NTM: variants seen among roughly 807,000 people sequenced by gnomAD.
NTM encodes the protein neurotrimin.
A neutral mutation model predicts 42.1 loss-of-function variants in NTM; 13 were observed. The observed-to-expected ratio is 0.31, with a 90% CI of 0.20 to 0.49. NTM has a LOEUF of 0.49. Ranked by LOEUF, NTM falls within the 20% of genes least tolerant of loss-of-function variation. The pLI is 0.99. For missense variants in NTM, 373 were observed against 452.8 expected, an observed-to-expected ratio of 0.82 and a Z score of 1.60; for synonymous variants, 187 against 179.2, an observed-to-expected ratio of 1.04 and a Z score of -0.35.
chr11:131,525,858 T>A (rs1340916382), intron 1 of NTM, among the ~76,000 whole-genome samples: 1 of 152,052 alleles, frequency 6.6e-6, no homozygotes, highest in Non-Finnish European at 1.5e-5. Context: ...TGTGTGTGTG[T>A]GTGCATGTAT....
At chr11:132,169,456 C>T (rs1473361569) in intron 3 of NTM, among the ~76,000 whole-genome samples, 1 of 147,212 alleles carries the variant, frequency 6.8e-6, no homozygotes, top group Admixed American at 6.9e-5. Context: ...CTGCCTCAGC[C>T]TCCTGTGTAG....
intron 1 of NTM, among the ~76,000 whole-genome samples, chr11:131,728,656 G>A (rs962115687): frequency 2.0e-5 from 3 of 152,144 alleles, no homozygotes; most frequent in African/African-American, 7.2e-5. Context: ...CAAGGTCATC[G>A]CCAAGGCCTG....
At chr11:131,504,991 G>T (rs1258616552) in intron 1 of NTM, among the ~76,000 whole-genome samples, 2 of 152,154 alleles carry the variant, frequency 1.3e-5, no homozygotes, top group Admixed American at 6.5e-5. Flanking sequence ...GGCAGAGGCT[G>T]TTGACATGAG....
chr11:132,125,234 A>C (rs1205447475), intron 2 of NTM, among the ~76,000 whole-genome samples: 12 of 151,666 alleles, frequency 7.9e-5, no homozygotes, highest in African/African-American at 2.9e-4. Flanking sequence ...GACTAAGTCA[A>C]ACCCTCCCTT....
intron 1 of NTM, among the ~76,000 whole-genome samples, chr11:131,598,896 C>T (rs1473150374): frequency 1.7e-5 from 2 of 119,158 alleles, no homozygotes; most frequent in South Asian, 2.8e-4. Flanking sequence ...TCCTTCCTTC[C>T]TTCCTTCCTT....
At chr11:131,489,337 C>T (rs189147722) in intron 1 of NTM, among the ~76,000 whole-genome samples, 2 of 152,278 alleles carry the variant, frequency 1.3e-5, no homozygotes, top group East Asian at 3.9e-4. Context: ...CTTCCTTATC[C>T]CTTTATTCAA....
intron 1 of NTM, among the ~76,000 whole-genome samples, chr11:131,605,375 A>T (rs2060857013): frequency 6.6e-6 from 1 of 152,088 alleles, no homozygotes; most frequent in African/African-American, 2.4e-5. Context: ...AGTGTAGAAA[A>T]GTGTGATTTA....
At chr11:132,193,060 T>A (rs1255633811) in intron 3 of NTM, among the ~76,000 whole-genome samples, 1 of 152,150 alleles carries the variant, frequency 6.6e-6, no homozygotes, top group Non-Finnish European at 1.5e-5. Context: ...AGTGGGAGAC[T>A]GCAACACCCC....
chr11:132,143,935 T>TCAC (rs1566287119), intron 2 of NTM, among the ~76,000 whole-genome samples: 1 of 152,224 alleles, frequency 6.6e-6, no homozygotes, highest in Non-Finnish European at 1.5e-5. Context: ...TTGCTCACCC[T>TCAC]CAGAGTCCAT....
intron 4 of NTM, among the ~76,000 whole-genome samples, chr11:132,276,981 C>T (rs2093751430): frequency 6.6e-6 from 1 of 152,116 alleles, no homozygotes. Context: ...TATAGAAATA[C>T]AACTGATTTT....
chr11:132,299,465 G>T (rs1307329609), intron 4 of NTM, among the ~76,000 whole-genome samples: 1 of 152,116 alleles, frequency 6.6e-6, no homozygotes, highest in East Asian at 1.9e-4. Context: ...CAACAGAAAG[G>T]GTATCCTGAG....
chr11:132,318,167 G>T (rs1459544467), intron 7 of NTM, among the ~76,000 whole-genome samples: 1 of 152,164 alleles, frequency 6.6e-6, no homozygotes, highest in African/African-American at 2.4e-5. Context: ...TGCATGAGTG[G>T]TTGCCAATAC....
chr11:131,409,314 A>G lies in NTM; in HGVS notation c.82+38426A>G, dbSNP rs576852605. 6.6e-5 allele frequency among the ~76,000 whole-genome samples: 10 copies of G among 152,342 alleles called. No homozygotes were observed. In the South Asian group the frequency reaches 2.1e-3, roughly 32 times the overall value. ...TTACCCCTTTGCACTTTGAGTCCTC[A>G]TTGAAGCTGCCCCTGAGAGCCCCCA... On this transcript the variant is annotated intron_variant, in intron 1 of 8. Transcript: ENST00000683400.
At chr11:132,201,006 C>T (rs911677694) in intron 3 of NTM, among the ~76,000 whole-genome samples, 1 of 152,150 alleles carries the variant, frequency 6.6e-6, no homozygotes, top group Non-Finnish European at 1.5e-5. Context: ...TGTTTTTTCT[C>T]TCTGTGAAGT....
At chr11:132,034,965 G>C (rs868458311) in intron 2 of NTM, among the ~76,000 whole-genome samples, 18 of 152,168 alleles carry the variant, frequency 1.2e-4, no homozygotes, top group African/African-American at 4.1e-4. Context: ...TGGTCTCCTA[G>C]CATCTTGATT....
chr11:131,755,636 C>T (rs1043051418), intron 1 of NTM, among the ~76,000 whole-genome samples: 1 of 152,114 alleles, frequency 6.6e-6, no homozygotes, highest in Non-Finnish European at 1.5e-5. Context: ...GCAACTTTTC[C>T]AGCATGGTGT....
At chr11:131,692,404 T>G (rs1395699601) in intron 1 of NTM, among the ~76,000 whole-genome samples, 1 of 151,392 alleles carries the variant, frequency 6.6e-6, no homozygotes, top group East Asian at 1.9e-4. Context: ...CTATCTCCCA[T>G]GCAGATCTCT....
At chr11:131,733,485 T>A (rs925457591) in intron 1 of NTM, among the ~76,000 whole-genome samples, 1 of 147,804 alleles carries the variant, frequency 6.8e-6, no homozygotes, top group South Asian at 2.2e-4. Context: ...CTTCCTTCCT[T>A]CCTTCCTTCC....
chr11:132,253,897 G>A (rs2092234845), intron 4 of NTM, among the ~76,000 whole-genome samples: 1 of 152,202 alleles, frequency 6.6e-6, no homozygotes, highest in Non-Finnish European at 1.5e-5. Flanking sequence ...TGCATATACT[G>A]AGGACCTCGT....
Sources: allele counts gnomAD v4.1 joint callset (sites outside exome capture counted in the v4.1 genomes callset), GRCh38; gene constraint gnomAD v4.1.1; transcripts MANE v1.5; gene names NCBI Gene and HGNC (gene_info 2026-07-23, HGNC 2026-07-21).